The following TCF7L1 variants were observed in gnomAD, a reference collection of about 807,000 sequenced individuals.
TCF7L1 encodes transcription factor 7-like 1.
Under a neutral mutation model 63.7 loss-of-function variants are expected in TCF7L1, and 18 were observed. The observed-to-expected ratio is 0.28, with a 90% confidence interval of 0.20 to 0.42. TCF7L1 has a LOEUF of 0.42. TCF7L1 is among the 10% of genes least tolerant of loss of function. The probability of loss-of-function intolerance (pLI) is 1.00; values close to 1 mark genes in which losing one functional copy is unlikely to be tolerated. For synonymous variants in TCF7L1, 355 were observed against 340.9 expected, an observed-to-expected ratio of 1.04 and a Z score of -0.46; for missense variants, 654 against 779.3, an observed-to-expected ratio of 0.84 and a Z score of 1.91.
chr2:85,235,338 G>C (rs576378118), intron 3 of TCF7L1, among the ~76,000 whole-genome samples: 10 of 151,428 alleles, frequency 6.6e-5, no homozygotes, highest in Non-Finnish European at 1.3e-4. Flanking sequence ...GACTTTGTCT[G>C]TCCCTACCCT....
rs368850579 is a variant in TCF7L1, at chr2:85,239,828, C to A, written c.442-43667C>A. ...GGCATGGTGGCACGCACCTGTTAAT[C>A]CCACCCACTGGGGAGGATGAGGCAG... On this transcript the variant is annotated intron_variant, in intron 3 of 11. Coordinates refer to ENST00000282111, the MANE Select transcript of TCF7L1 (RefSeq NM_031283.3). Among the ~76,000 whole-genome samples the A allele has an allele frequency of 6.0e-4, 91 of 151,784 alleles. 2 individuals are homozygous for A. The South Asian group carries it at 0.019, about 32-fold the overall frequency.
At chr2:85,148,638 T>C (rs571124185) in intron 3 of TCF7L1, among the ~76,000 whole-genome samples, 1 of 152,180 alleles carries the variant, frequency 6.6e-6, no homozygotes, top group South Asian at 2.1e-4. Context: ...CATCATAGAA[T>C]CTCCAGGATA....
intron 3 of TCF7L1, among the ~76,000 whole-genome samples, chr2:85,261,917 A>T (rs1680865729): frequency 6.6e-6 from 1 of 152,180 alleles, no homozygotes; most frequent in Non-Finnish European, 1.5e-5. Flanking sequence ...CATAGCATTT[A>T]TTGCCATCTT....
chr2:85,204,887 T>TG (rs1397028202), intron 3 of TCF7L1: 1 of 151,762 alleles, frequency 6.6e-6, no homozygotes, highest in Non-Finnish European at 1.5e-5. Flanking sequence ...TTAGTTTTGT[T>TG]TGTTTTTTTT....
At chr2:85,298,481 C>CAAAAAA (rs775849544) in intron 4 of TCF7L1, among the ~76,000 whole-genome samples, 3 of 71,048 alleles carry the variant, frequency 4.2e-5, no homozygotes, top group Non-Finnish European at 8.0e-5. Context: ...GACTCTGTCT[C>CAAAAAA]AAAAAAAAAA....
At chr2:85,174,768 G>A (rs548194768) in intron 3 of TCF7L1, among the ~76,000 whole-genome samples, 19 of 152,266 alleles carry the variant, frequency 1.2e-4, no homozygotes, top group South Asian at 1.0e-3. Flanking sequence ...TGGTTTCTTC[G>A]CAGTCTATGC....
chr2:85,274,774 G>T (rs918012835), intron 3 of TCF7L1, among the ~76,000 whole-genome samples: 1 of 152,190 alleles, frequency 6.6e-6, no homozygotes, highest in African/African-American at 2.4e-5. Context: ...ACACACCACC[G>T]AACCAGACCT....
intron 3 of TCF7L1, among the ~76,000 whole-genome samples, chr2:85,183,173 G>A (rs927976254): frequency 1.3e-5 from 2 of 152,138 alleles, no homozygotes; most frequent in Non-Finnish European, 2.9e-5. Context: ...GTTTAACCTG[G>A]TATCTGCCTG....
At chr2:85,235,837 C>T (rs2104318025) in intron 3 of TCF7L1, among the ~76,000 whole-genome samples, 1 of 151,972 alleles carries the variant, frequency 6.6e-6, no homozygotes, top group South Asian at 2.1e-4. Context: ...GCCTAGGTAA[C>T]ATAGGGAAAG....
chr2:85,230,933 A>G (rs1019750383), intron 3 of TCF7L1, among the ~76,000 whole-genome samples: 1 of 152,172 alleles, frequency 6.6e-6, no homozygotes, highest in Admixed American at 6.5e-5. Context: ...AAATGCCTAA[A>G]ACTTTCCAAA....
chr2:85,303,938 C>T lies in TCF7L1; in HGVS notation c.702C>T (p.Tyr234=). 6.2e-7 allele frequency: 1 copy of T among 1,613,802 alleles called. No individual in the cohort carries two copies. The change falls in exon 6 of 12, where the codon TAC becomes TAT. Residue 234 remains tyrosine, a synonymous_variant. Coordinates refer to ENST00000282111, the MANE Select transcript of TCF7L1 (RefSeq NM_031283.3). The stretch of plus-strand genomic sequence containing the variant: ...ACCCATCCGAGCTGTCACCGTATTA[C>T]CCACTCTCTCCCGGAGCTGTCGGAC... ...PPHPSELSPY[Y]PLSPGAVGQI...
intron 3 of TCF7L1, among the ~76,000 whole-genome samples, chr2:85,169,896 A>C (rs1055198827): frequency 2.0e-5 from 3 of 152,202 alleles, no homozygotes; most frequent in Non-Finnish European, 4.4e-5. Flanking sequence ...GGATTTTTTA[A>C]GATAATGTTT....
At position 85,309,598 on chromosome 2, in the gene TCF7L1, CT is replaced by C; in HGVS notation, c.*139del. 1 of 815,920 alleles carries C rather than the reference CT, an allele frequency of 1.2e-6. No homozygotes were observed. Among genetic ancestry groups the C allele is most frequent in the Non-Finnish European group, 1.8e-6 (1 of 567,176 alleles). The allele number at this position is 815,920 out of a possible 1,614,324, so 50.5% of individuals were successfully genotyped here. A position where few individuals can be genotyped will look rare whatever the true frequency, so the allele number is the denominator to read the frequency against. On this transcript the variant is annotated 3_prime_UTR_variant, in exon 12 of 12. Coordinates refer to ENST00000282111, the MANE Select transcript of TCF7L1 (RefSeq NM_031283.3). Reference sequence around the variant, plus strand: ...TGTAAAGTGGCTGGTAACAACAGCACTTTACAGTTTGTAGATGTAACCAGTA... The same window carrying C: ...TGTAAAGTGGCTGGTAACAACAGCACTTACAGTTTGTAGATGTAACCAGTA...
chr2:85,140,287 A>T (rs191487676), intron 3 of TCF7L1, among the ~76,000 whole-genome samples: 3 of 152,214 alleles, frequency 2.0e-5, no homozygotes, highest in African/African-American at 7.2e-5. Context: ...ATTGGGAGGA[A>T]CCCTCGGTTT....
chr2:85,187,135 T>G (rs1332053889), intron 3 of TCF7L1: 1 of 152,186 alleles, frequency 6.6e-6, no homozygotes, highest in Non-Finnish European at 1.5e-5. Context: ...CTCTTACCCC[T>G]CCCACCCTCA....
chr2:85,253,551 A>G (rs1427430529), intron 3 of TCF7L1, among the ~76,000 whole-genome samples: 1 of 152,154 alleles, frequency 6.6e-6, no homozygotes, highest in Non-Finnish European at 1.5e-5. Flanking sequence ...CCATGACCTT[A>G]TATAGGAACT....
At position 85,170,860 on chromosome 2, in the gene TCF7L1, A is replaced by G. The variant is rs193108023; in HGVS notation, c.441+36410A>G. Among the ~76,000 whole-genome samples, 123 of 152,300 alleles carry G rather than the reference A, an allele frequency of 8.1e-4. 1 individual carries two copies. In the South Asian group the frequency reaches 0.016, roughly 19 times the overall value. On this transcript the variant is annotated intron_variant, in intron 3 of 11. Transcript: ENST00000282111. Reference sequence around the variant, plus strand: ...CAGAAAGACAACAGATGGGCTGTGGACAAAAGAATTTCCTTGGATTTTCCT... The same window carrying G: ...CAGAAAGACAACAGATGGGCTGTGGGCAAAAGAATTTCCTTGGATTTTCCT...
intron 3 of TCF7L1, among the ~76,000 whole-genome samples, chr2:85,153,742 G>A (rs753376078): frequency 1.2e-4 from 18 of 152,162 alleles, no homozygotes; most frequent in Admixed American, 3.3e-4. Flanking sequence ...TCTTAAGTAT[G>A]TTGGCTGTCA....
chr2:85,220,955 T>C (rs1376885973), intron 3 of TCF7L1, among the ~76,000 whole-genome samples: 1 of 152,112 alleles, frequency 6.6e-6, no homozygotes, highest in Non-Finnish European at 1.5e-5. Context: ...AAGGAGCTGA[T>C]TCGATGTATG....
Sources: allele counts gnomAD v4.1 joint callset (sites outside exome capture counted in the v4.1 genomes callset), GRCh38; gene constraint gnomAD v4.1.1; transcripts MANE v1.5; gene names NCBI Gene and HGNC (gene_info 2026-07-23, HGNC 2026-07-21).